Variants in AP3B1 observed in about 807,000 individuals in gnomAD.
AP3B1 encodes adaptor related protein complex 3 subunit beta 1.
In AP3B1, 61 loss-of-function variants were observed where a neutral mutation model predicts 132.5. That is an observed-to-expected ratio of 0.46 (90% CI 0.37 to 0.57). The LOEUF (loss-of-function observed/expected upper bound fraction) is 0.57. AP3B1 is among the 20% of genes least tolerant of loss of function. AP3B1 has a pLI of 0.00. For synonymous variants in AP3B1, 388 were observed against 438.3 expected (o/e 0.89, Z 1.43); for missense variants, 1,120 against 1,289.4 (o/e 0.87, Z 2.01).
intron 1 of AP3B1, among the ~76,000 whole-genome samples, chr5:78,284,972 C>T (rs1186242881): frequency 2.0e-5 from 3 of 152,144 alleles, no homozygotes; most frequent in Admixed American, 2.0e-4. Flanking sequence ...AATGGCCAGG[C>T]GCGGTGGCCC....
intron 11 of AP3B1, 138 bp downstream of exon 11, chr5:78,175,488 A>T: frequency 4.4e-6 from 3 of 684,622 alleles, no homozygotes; most frequent in Non-Finnish European, 7.7e-6. Context: ...ATATAGATTG[A>T]AAAGTATAAA....
chr5:78,130,651 C>T (rs1437800292), intron 15 of AP3B1, among the ~76,000 whole-genome samples: 1 of 151,854 alleles, frequency 6.6e-6, no homozygotes. Flanking sequence ...AAAGTATTCA[C>T]CAAATGAGGA....
chr5:78,010,697 G>A (rs1411599722), intron 26 of AP3B1, among the ~76,000 whole-genome samples: 1 of 152,000 alleles, frequency 6.6e-6, no homozygotes, highest in African/African-American at 2.4e-5. Flanking sequence ...CACAGCTAAC[G>A]CCTCTAATCT....
At chr5:78,234,225 C>T (rs908645307) in intron 3 of AP3B1, among the ~76,000 whole-genome samples, 1 of 152,082 alleles carries the variant, frequency 6.6e-6, no homozygotes, top group African/African-American at 2.4e-5. Context: ...TAGTGCTTCT[C>T]AACCTTCAGA....
At chr5:78,113,318 G>A (rs147363335) in intron 19 of AP3B1, among the ~76,000 whole-genome samples, 231 of 152,292 alleles carry the variant, frequency 1.5e-3, no homozygotes, top group African/African-American at 5.0e-3. Context: ...TCTTATGACC[G>A]TCTTCCTTCA....
chr5:78,110,272 T>A lies in AP3B1; in HGVS notation c.2332A>T (p.Ser778Cys), dbSNP rs1334114879. The stretch of plus-strand genomic sequence containing the variant: ...GACTCTGATTCAGAATCGGAAGAAC[T>A]GTCTTCTATTGAACTAGATTCGTCA... Reference protein sequence around the residue: ...SNDESSSIEDSSSDSESESEP... With the variant: ...SNDESSSIEDCSSDSESESEP... The change falls in exon 20 of 27, where the codon AGT (serine) becomes TGT (cysteine). Residue 778 changes from serine to cysteine, a missense_variant. Coordinates refer to ENST00000255194, the MANE Select transcript of AP3B1 (RefSeq NM_003664.5). 1 of 1,609,118 alleles carries A rather than the reference T, an allele frequency of 6.2e-7. No individual in the cohort carries two copies. The highest frequency in any genetic ancestry group is 1.3e-5 in the African/African-American group (1 of 75,010).
chr5:78,227,233 G>A (rs1039927210), intron 5 of AP3B1, 139 bp downstream of exon 5: 7 of 827,726 alleles, frequency 8.5e-6, no homozygotes, highest in Middle Eastern at 3.6e-4. Flanking sequence ...GCAGCAGGGG[G>A]AAATACCATC....
At chr5:78,128,976 A>C in intron 16 of AP3B1, 145 bp downstream of exon 16, 3 of 681,758 alleles carry the variant, frequency 4.4e-6, no homozygotes, top group Non-Finnish European at 7.0e-6. Flanking sequence ...CAGATGAATG[A>C]GTAGAAAGCA....
chr5:78,086,925 GT>G (rs1444558516), intron 22 of AP3B1, among the ~76,000 whole-genome samples: 1 of 151,994 alleles, frequency 6.6e-6, no homozygotes, highest in Non-Finnish European at 1.5e-5. Context: ...ACTGTTCAGT[GT>G]TTGGAAAATT....
intron 7 of AP3B1, among the ~76,000 whole-genome samples, chr5:78,194,008 C>G (rs557516063): frequency 1.3e-4 from 20 of 151,852 alleles, no homozygotes; most frequent in African/African-American, 4.1e-4. Context: ...ACCTCATAAT[C>G]CGCCCACCTC....
chr5:78,166,140 C>T (rs1328993704), intron 11 of AP3B1, among the ~76,000 whole-genome samples: 1 of 143,878 alleles, frequency 7.0e-6, no homozygotes, highest in Admixed American at 6.8e-5. Flanking sequence ...CACACACACA[C>T]ACACACACAC....
intron 1 of AP3B1, among the ~76,000 whole-genome samples, chr5:78,291,894 T>C (rs561992108): frequency 6.6e-6 from 1 of 152,292 alleles, no homozygotes; most frequent in South Asian, 2.1e-4. Flanking sequence ...TTCTTAAAAA[T>C]TACACATTAA....
intron 25 of AP3B1, among the ~76,000 whole-genome samples, chr5:78,019,429 T>C (rs1322037971): frequency 6.6e-6 from 1 of 152,182 alleles, no homozygotes; most frequent in East Asian, 1.9e-4. Flanking sequence ...TAACAATAAA[T>C]GTGCCAAAGC....
At chr5:78,125,465 A>G (rs1752417069) in intron 17 of AP3B1, among the ~76,000 whole-genome samples, 1 of 152,204 alleles carries the variant, frequency 6.6e-6, no homozygotes, top group South Asian at 2.1e-4. Context: ...AGTATATTAT[A>G]TGCATGAAAT....
At chr5:78,155,900 C>T (rs182883061) in intron 14 of AP3B1, among the ~76,000 whole-genome samples, 3 of 152,178 alleles carry the variant, frequency 2.0e-5, no homozygotes, top group African/African-American at 7.2e-5. Context: ...ACAAAGTGTG[C>T]TCAATGGTAT....
At chr5:78,229,470 C>T (rs747310493) in intron 3 of AP3B1, among the ~76,000 whole-genome samples, 9 of 151,908 alleles carry the variant, frequency 5.9e-5, no homozygotes, top group Non-Finnish European at 1.2e-4. Flanking sequence ...CAGTGGCTCA[C>T]GCCTGTAATC....
In AP3B1 at chr5:78,113,799, T is replaced by C; in HGVS notation, c.2202A>G (p.Leu734=). 1 of 1,614,214 alleles carries C rather than the reference T, an allele frequency of 6.2e-7. No homozygotes were observed. The highest frequency in any genetic ancestry group is 1.1e-5 in the South Asian group (1 of 91,074). ...QDSESGRESG[L]ENKRTAKRNS... is the part of the protein sequence containing the mutation. ...TCCTCTTGGCTGTTCTTTTGTTTTC[T>C]AGGCCTGACTCCCGTCCACTCTCAC... is the stretch of plus-strand genomic sequence containing the variant. Residue 734 remains leucine (L), a synonymous_variant, in exon 19 of 27, where the codon CTA becomes CTG. Transcript: ENST00000255194.
intron 22 of AP3B1, chr5:78,041,771 T>C (rs1748099081): frequency 6.5e-6 from 1 of 152,930 alleles, no homozygotes; most frequent in South Asian, 2.0e-4. Context: ...TTAGGTTCTT[T>C]TCCTTGAATA....
rs371882755 is a variant in AP3B1 at position 78,141,511 on chromosome 5, T to C, written c.1474-192A>G. ...AACACATAGGAAATCTCATTAAAATTGATTTCGAAGAGAATATCTTAGAAA... is the reference window on the plus strand; with the variant it reads ...AACACATAGGAAATCTCATTAAAATCGATTTCGAAGAGAATATCTTAGAAA... On this transcript the variant is annotated intron_variant, in intron 14 of 26. Transcript: ENST00000255194. 3.0e-4 allele frequency among the ~76,000 whole-genome samples: 46 copies of C among 152,330 alleles called. 1 individual carries two copies. In the South Asian group the frequency reaches 8.9e-3, roughly 30 times the overall value.
Sources: allele counts gnomAD v4.1 joint callset (sites outside exome capture counted in the v4.1 genomes callset), GRCh38; gene constraint gnomAD v4.1.1; transcripts MANE v1.5; gene names NCBI Gene and HGNC (gene_info 2026-07-23, HGNC 2026-07-21).